SPRR2G: variants seen among roughly 807,000 people sequenced by gnomAD.
SPRR2G encodes the protein small proline-rich protein 2G.
In SPRR2G, 1 loss-of-function variant was observed where a neutral mutation model predicts 0.7. That is an observed-to-expected ratio of 1.49 (90% confidence interval 0.53 to 7.06). The LOEUF (loss-of-function observed/expected upper bound fraction) is 7.06, where lower values mean the gene tolerates loss of function less well. Ranked by LOEUF, SPRR2G falls within the 30% of genes most tolerant of loss-of-function variation. The pLI is 0.14. For synonymous variants in SPRR2G, 38 were observed against 33.9 expected (o/e 1.12, Z -0.42); for missense variants, 96 against 88.5 (o/e 1.09, Z -0.34).
the SPRR2G span, among the ~76,000 whole-genome samples, chr1:153,181,379 C>T: frequency 1.3e-5 from 2 of 152,142 alleles, no homozygotes; most frequent in East Asian, 1.9e-4. Flanking sequence ...TATCCATCAC[C>T]GTGAGCATTT....
chr1:153,195,875 T>C, the SPRR2G span, among the ~76,000 whole-genome samples: 1 of 151,562 alleles, frequency 6.6e-6, no homozygotes, highest in Non-Finnish European at 1.5e-5. Flanking sequence ...AGACCCCAAC[T>C]CTCATGAGCA....
chr1:153,195,841 A>C, the SPRR2G span, among the ~76,000 whole-genome samples: 1 of 151,758 alleles, frequency 6.6e-6, no homozygotes, highest in African/African-American at 2.4e-5. Flanking sequence ...TCGTGCTCCC[A>C]CCCTGAGCAC....
rs200770175 is a variant in SPRR2G at position 153,149,928 on chromosome 1, G to T, written c.183C>A (p.Tyr61Ter). Residue 61 changes from tyrosine (Y) to a stop codon, truncating the protein, a stop_gained, in exon 2 of 2, where the codon TAC (tyrosine) becomes TAA (stop). Transcript: ENST00000368748. LOFTEE classifies it high-confidence loss of function. ...GTGGATACTTCTGCTGGCAGGGTGG[G>T]TATGGTTGCACAGGAGGGCATTTAT... ...CQDKCPPVQP[Y>*]PPCQQKYPPK... is the part of the protein sequence containing the mutation. The T allele has an allele frequency of 1.7e-5, 28 of 1,613,938 alleles. No individual in the cohort carries two copies. The highest frequency in any genetic ancestry group is 1.1e-4 in the South Asian group (10 of 91,072).
chr1:153,172,201 A>G, the SPRR2G span, among the ~76,000 whole-genome samples: 6 of 152,092 alleles, frequency 3.9e-5, no homozygotes, highest in South Asian at 1.0e-3. Context: ...TGACTGAAAA[A>G]ACTATCCTTA....
At chr1:153,159,882 T>C in the SPRR2G span, among the ~76,000 whole-genome samples, 1 of 152,162 alleles carries the variant, frequency 6.6e-6, no homozygotes, top group South Asian at 2.1e-4. Flanking sequence ...TCCAATCACC[T>C]CCCAGCAGGT....
At chr1:153,178,656 A>G in the SPRR2G span, among the ~76,000 whole-genome samples, 1 of 152,130 alleles carries the variant, frequency 6.6e-6, no homozygotes, top group Non-Finnish European at 1.5e-5. Flanking sequence ...TCCTCTTAAT[A>G]TATTGCTAGA....
chr1:153,158,133 C>A, the SPRR2G span, among the ~76,000 whole-genome samples: 35 of 152,280 alleles, frequency 2.3e-4, no homozygotes, highest in East Asian at 1.2e-3. Flanking sequence ...AACAGTCACA[C>A]CTTCCCAACA....
At chr1:153,181,283 G>A in the SPRR2G span, among the ~76,000 whole-genome samples, 1 of 151,534 alleles carries the variant, frequency 6.6e-6, no homozygotes, top group African/African-American at 2.4e-5. Flanking sequence ...ATTTTCTATG[G>A]GTACATAATA....
chr1:153,181,797 T>A, the SPRR2G span, among the ~76,000 whole-genome samples: 1 of 151,762 alleles, frequency 6.6e-6, no homozygotes, highest in African/African-American at 2.4e-5. Context: ...TATATATATA[T>A]AATATTTTCT....
At chr1:153,179,171 T>C in the SPRR2G span, among the ~76,000 whole-genome samples, 123 of 152,276 alleles carry the variant, frequency 8.1e-4, no homozygotes, top group African/African-American at 2.8e-3. Flanking sequence ...AGATTTAGCT[T>C]GGCTTTTAAA....
the SPRR2G span, among the ~76,000 whole-genome samples, chr1:153,180,796 G>T: frequency 1.3e-5 from 2 of 152,034 alleles, no homozygotes; most frequent in African/African-American, 4.8e-5. Context: ...ATCTTTTTTC[G>T]TGTTAGCCAT....
At chr1:153,186,185 G>A in the SPRR2G span, among the ~76,000 whole-genome samples, 1,071 of 152,212 alleles carry the variant, frequency 7.0e-3, 18 homozygotes, top group African/African-American at 0.023. Flanking sequence ...AGGAATGTAC[G>A]TTCTGTTGAT....
the SPRR2G span, among the ~76,000 whole-genome samples, chr1:153,169,653 T>C: frequency 3.3e-5 from 5 of 152,030 alleles, no homozygotes; most frequent in African/African-American, 1.2e-4. Flanking sequence ...CCACTTCACC[T>C]TTTAATGTCA....
chr1:153,170,349 T>C, the SPRR2G span, among the ~76,000 whole-genome samples: 3 of 152,236 alleles, frequency 2.0e-5, no homozygotes, highest in African/African-American at 7.2e-5. Context: ...ATCTAACTTA[T>C]GGCTCACAAA....
chr1:153,150,156 C>T (rs1371339398), intron 1 of SPRR2G, 25 bp from the exon 2 acceptor site: 2 of 1,607,780 alleles, frequency 1.2e-6, no homozygotes, highest in Non-Finnish European at 1.7e-6. Flanking sequence ...CGAAACAGTG[C>T]TCATAAGAGA....
the SPRR2G span, among the ~76,000 whole-genome samples, chr1:153,160,657 T>C: frequency 5.3e-5 from 8 of 152,110 alleles, no homozygotes; most frequent in Admixed American, 2.6e-4. Flanking sequence ...TGTAAACTAG[T>C]TCAACCATTG....
At chr1:153,153,333 C>T (rs1352014918), upstream of SPRR2G, among the ~76,000 whole-genome samples, 2 of 152,092 alleles carry the variant, frequency 1.3e-5, no homozygotes, top group African/African-American at 4.8e-5. Context: ...CAAACTGGCA[C>T]TGTATAAACA....
At chr1:153,191,570 C>T in the SPRR2G span, 1 of 152,134 alleles carries the variant, frequency 6.6e-6, no homozygotes, top group African/African-American at 2.4e-5. Context: ...GATGTCATTG[C>T]ATATCATCTA....
At chr1:153,167,653 A>G in the SPRR2G span, among the ~76,000 whole-genome samples, 805 of 152,294 alleles carry the variant, frequency 5.3e-3, 11 homozygotes, top group Middle Eastern at 0.02. Flanking sequence ...CTAGATGCTG[A>G]ATGTACAATG....
Sources: allele counts gnomAD v4.1 joint callset (sites outside exome capture counted in the v4.1 genomes callset), GRCh38; gene constraint gnomAD v4.1.1; transcripts MANE v1.5; gene names NCBI Gene and HGNC (gene_info 2026-07-23, HGNC 2026-07-21).